Variants in LAMC1 observed in about 807,000 individuals in gnomAD.
LAMC1 encodes the protein laminin subunit gamma-1.
A neutral mutation model predicts 173.6 loss-of-function variants in LAMC1; 38 were observed. That is an observed-to-expected ratio of 0.22 (90% CI 0.17 to 0.29). The LOEUF is 0.29. LAMC1 is among the 10% of genes least tolerant of loss of function. LAMC1 has a pLI of 1.00. For missense variants in LAMC1, 1,824 were observed against 2,051.8 expected (o/e 0.89, Z 2.14); for synonymous variants, 746 against 749.1 (o/e 1.00, Z 0.07).
chr1:183,131,835 A>G (rs1197779561), intron 20 of LAMC1, among the ~76,000 whole-genome samples: 1 of 152,240 alleles, frequency 6.6e-6, no homozygotes, highest in Non-Finnish European at 1.5e-5. Flanking sequence ...CTGAAGAATT[A>G]TAAACATTTT....
intron 2 of LAMC1, 57 bp downstream of exon 2, chr1:183,103,689 G>T: frequency 6.8e-7 from 1 of 1,459,974 alleles, no homozygotes; most frequent in Non-Finnish European, 9.2e-7. Flanking sequence ...CGAGGTGTGG[G>T]AAGATTATTG....
chr1:183,076,861 T>A (rs1655130409), intron 1 of LAMC1, among the ~76,000 whole-genome samples: 1 of 149,698 alleles, frequency 6.7e-6, no homozygotes, highest in Non-Finnish European at 1.5e-5. Context: ...GAAAAATCTC[T>A]TAGAGACCCC....
At position 183,118,058 on chromosome 1, in the gene LAMC1, T is replaced by C. The variant is rs761728042; in HGVS notation, c.1902T>C (p.Pro634=). 2 of 1,613,080 alleles carry C rather than the reference T, an allele frequency of 1.2e-6. No individual in the cohort carries two copies. The highest frequency in any genetic ancestry group is 1.7e-6 in the Non-Finnish European group (2 of 1,179,078). Residue 634 remains proline (P), a synonymous_variant, in exon 11 of 28, where the codon CCT becomes CCC. Transcript: ENST00000258341. The part of the protein sequence containing the change: ...VFRLHEATDY[P]WRPALTPFEF... ...GGCTCCATGAAGCAACAGATTACCC[T>C]TGGAGGCCTGCTCTTACCCCTTTTG...
intron 24 of LAMC1, 96 bp from the exon 25 acceptor site, chr1:183,136,290 A>G (rs1253398407): frequency 9.5e-7 from 1 of 1,055,860 alleles, no homozygotes; most frequent in Non-Finnish European, 1.4e-6. Context: ...CCTGACTTCC[A>G]TTGTTCATAA....
At chr1:183,079,246 T>G (rs1474992182) in intron 1 of LAMC1, among the ~76,000 whole-genome samples, 4 of 78,460 alleles carry the variant, frequency 5.1e-5, no homozygotes, top group Non-Finnish European at 8.1e-5. Context: ...TTTTTTTTTT[T>G]TTTTTTTTTT....
intron 1 of LAMC1, among the ~76,000 whole-genome samples, chr1:183,068,415 A>G (rs1426942602): frequency 6.6e-6 from 1 of 152,238 alleles, no homozygotes. Flanking sequence ...GGTGAGCATG[A>G]AGAAGAAAAC....
intron 16 of LAMC1, 116 bp downstream of exon 16, chr1:183,126,378 T>C (rs1478817959): frequency 3.0e-6 from 3 of 1,001,826 alleles, no homozygotes; most frequent in Non-Finnish European, 4.4e-6. Flanking sequence ...GTCAGGGCTG[T>C]ACCTAAGTCA....
chr1:183,059,533 T>C (rs1654687933), intron 1 of LAMC1, among the ~76,000 whole-genome samples: 1 of 152,120 alleles, frequency 6.6e-6, no homozygotes, highest in Admixed American at 6.5e-5. Flanking sequence ...ATAATAAAAA[T>C]AACTAACCCA....
chr1:183,132,712 A>G (rs897730365), intron 21 of LAMC1, among the ~76,000 whole-genome samples, 175 bp downstream of exon 21: 3 of 152,206 alleles, frequency 2.0e-5, no homozygotes, highest in Admixed American at 6.5e-5. Context: ...GTGAAGCCAC[A>G]GAGATTTGGT....
chr1:183,117,683 A>G lies in LAMC1; in HGVS notation c.1837A>G (p.Asn613Asp). ...RVSVPLIAQG[N>D]SYPSETTVKY... is the part of the protein sequence containing the mutation. ...ATCTGTACCCTTGATCGCTCAGGGC[A>G]ATTCCTATCCAAGTGAGACCACTGT... The change falls in exon 10 of 28, where the codon AAT becomes GAT. Residue 613 changes from asparagine to aspartate, a missense_variant. Asn to Asp is a conservative substitution (Grantham distance 23, BLOSUM62 1). Transcript: ENST00000258341. 1.9e-6 allele frequency: 3 copies of G among 1,614,210 alleles called. No individual in the cohort carries two copies. Among genetic ancestry groups the G allele is most frequent in the Non-Finnish European group, 2.5e-6 (3 of 1,180,032 alleles).
chr1:183,122,135 C>G lies in LAMC1; in HGVS notation c.2285C>G (p.Ser762Ter). ...TGCAGTGATGGGTACTATGGAGATT[C>G]AACTGCAGGCACCTCCTCCGATTGC... The part of the protein sequence containing the change: ...EKCSDGYYGD[S>*]TAGTSSDCQP... Residue 762 changes from serine (S) to a stop codon, truncating the protein, a stop_gained, in exon 13 of 28, where the codon TCA becomes TGA. Coordinates refer to ENST00000258341, the MANE Select transcript of LAMC1 (RefSeq NM_002293.4). LOFTEE classifies it high-confidence loss of function. The G allele has an allele frequency of 1.2e-6, 2 of 1,614,196 alleles. No individual in the cohort carries two copies. Among genetic ancestry groups the G allele is most frequent in the Non-Finnish European group, 1.7e-6 (2 of 1,180,028 alleles).
rs115983241 is a variant in LAMC1 at position 183,061,029 on chromosome 1, A to G, written c.418+36895A>G. ...GGTTAGATAGCAGAGTTGCAGGAAA[A>G]TTAGTATAATGGTAGTAGGTTAAGT... On this transcript the variant is annotated intron_variant, in intron 1 of 27. Transcript: ENST00000258341. 3.4e-3 allele frequency among the ~76,000 whole-genome samples: 522 copies of G among 152,296 alleles called. 3 individuals are homozygous for G. The highest frequency in any genetic ancestry group is 0.012 in the African/African-American group (498 of 41,560).
At chr1:183,092,902 A>G (rs919807250) in intron 1 of LAMC1, among the ~76,000 whole-genome samples, 1 of 152,164 alleles carries the variant, frequency 6.6e-6, no homozygotes, top group Non-Finnish European at 1.5e-5. Context: ...AGCACAACAC[A>G]TGATGTCTTC....
In LAMC1 at chr1:183,132,971, C is replaced by T. The variant is rs572420911; in HGVS notation, c.3704+434C>T. Among the ~76,000 whole-genome samples the T allele has an allele frequency of 4.8e-4, 73 of 152,184 alleles. 1 individual carries two copies. The South Asian group carries it at 0.014, about 30-fold the overall frequency. ...TGTCCCCCAGGCTAAAGTGCAATGG[C>T]GCGATCTCGGCTCACTGCATCCTCT... On this transcript the variant is annotated intron_variant, in intron 21 of 27. Coordinates refer to ENST00000258341, the MANE Select transcript of LAMC1 (RefSeq NM_002293.4).
At chr1:183,112,390 C>T (rs1158597488) in intron 4 of LAMC1, among the ~76,000 whole-genome samples, 1 of 152,126 alleles carries the variant, frequency 6.6e-6, no homozygotes. Context: ...CAGGAAGTTA[C>T]TTAAAGAACC....
At chr1:183,116,733 A>G in intron 7 of LAMC1, 34 bp from the exon 8 acceptor site, 2 of 1,612,784 alleles carry the variant, frequency 1.2e-6, no homozygotes, top group Non-Finnish European at 1.7e-6. Context: ...TCAAGTAAAA[A>G]AAAAGTAACT....
chr1:183,077,822 CATTG>C (rs1655160009), intron 1 of LAMC1, among the ~76,000 whole-genome samples: 2 of 128,300 alleles, frequency 1.6e-5, no homozygotes, highest in South Asian at 2.6e-4. Context: ...TTTATTCACT[CATTG>C]ATTGATGGAC....
At chr1:183,089,875 G>A (rs1655522897) in intron 1 of LAMC1, among the ~76,000 whole-genome samples, 1 of 152,136 alleles carries the variant, frequency 6.6e-6, no homozygotes, top group Admixed American at 6.5e-5. Flanking sequence ...AACTAGAATG[G>A]AGTTGCTCAT....
chr1:183,023,571 C>A lies in LAMC1; in HGVS notation c.-146C>A. 2.1e-6 allele frequency: 1 copy of A among 475,494 alleles called. No individual in the cohort carries two copies. The highest frequency in any genetic ancestry group is 3.0e-6 in the Non-Finnish European group (1 of 334,988). The allele number at this position is 475,494 out of a possible 1,614,324, so 29.5% of individuals were successfully genotyped here. A position where few individuals can be genotyped will look rare whatever the true frequency, so the allele number is the denominator to read the frequency against. On this transcript the variant is annotated 5_prime_UTR_variant, in exon 1 of 28. Coordinates refer to ENST00000258341, the MANE Select transcript of LAMC1 (RefSeq NM_002293.4). ...GGCGCCCACCCGTCAGTCTCTCCGGCGCGAGCCGCCGCCACCGCCCGCGCC... is the reference window on the plus strand; with the variant it reads ...GGCGCCCACCCGTCAGTCTCTCCGGAGCGAGCCGCCGCCACCGCCCGCGCC...
Sources: allele counts gnomAD v4.1 joint callset (sites outside exome capture counted in the v4.1 genomes callset), GRCh38; gene constraint gnomAD v4.1.1; transcripts MANE v1.5; gene names NCBI Gene and HGNC (gene_info 2026-07-23, HGNC 2026-07-21).